Variants in MECOM observed in about 807,000 individuals in gnomAD.
MECOM encodes MDS1 and EVI1 complex locus, also known as histone-lysine N-methyltransferase MECOM.
In MECOM, 13 loss-of-function variants were observed where a neutral mutation model predicts 116.3. That is an observed-to-expected ratio of 0.11 (90% CI 0.07 to 0.18). MECOM has a LOEUF of 0.18. Among genes scored for constraint, MECOM ranks in the 10% least tolerant of loss-of-function variants. The pLI is 1.00. For missense variants in MECOM, 1,299 were observed against 1,509.0 expected (o/e 0.86, Z 2.31); for synonymous variants, 528 against 535.2 (o/e 0.99, Z 0.19).
At chr3:169,477,965 A>C (rs972610946) in intron 1 of MECOM, among the ~76,000 whole-genome samples, 4 of 152,254 alleles carry the variant, frequency 2.6e-5, no homozygotes, top group Non-Finnish European at 5.9e-5. Context: ...AGACAATTAA[A>C]GTGGCCCAGG....
At chr3:169,584,544 G>A (rs545391139) in intron 1 of MECOM, among the ~76,000 whole-genome samples, 4 of 134,816 alleles carry the variant, frequency 3.0e-5, no homozygotes, top group Admixed American at 1.6e-4. Flanking sequence ...CAGCCTGGGC[G>A]AAAGAGCGAA....
intron 1 of MECOM, among the ~76,000 whole-genome samples, chr3:169,616,017 CCCAG>C (rs1769949447): frequency 6.6e-6 from 1 of 152,180 alleles, no homozygotes; most frequent in South Asian, 2.1e-4. Flanking sequence ...TCGAGAATGG[CCCAG>C]CCAGCCAGCC....
intron 1 of MECOM, among the ~76,000 whole-genome samples, chr3:169,490,930 C>T (rs1204299150): frequency 6.6e-6 from 1 of 151,900 alleles, no homozygotes; most frequent in African/African-American, 2.4e-5. Context: ...CCTTATGTTG[C>T]CCAGGATGGT....
intron 1 of MECOM, among the ~76,000 whole-genome samples, chr3:169,457,397 G>A (rs992863720): frequency 6.6e-6 from 1 of 152,148 alleles, no homozygotes. Flanking sequence ...AGCTCCAGGA[G>A]TGCAGATAAA....
chr3:169,579,757 G>A (rs779967872), intron 1 of MECOM, among the ~76,000 whole-genome samples: 1 of 152,148 alleles, frequency 6.6e-6, no homozygotes, highest in Non-Finnish European at 1.5e-5. Context: ...GACTGAACAT[G>A]ATATTCTACC....
At chr3:169,507,650 C>CTTTTTTTTGTTTTTTTTTTTTT (rs1755407763) in intron 1 of MECOM, among the ~76,000 whole-genome samples, 1 of 57,150 alleles carries the variant, frequency 1.7e-5, no homozygotes, top group Non-Finnish European at 3.1e-5. Flanking sequence ...TCCCCACTTG[C>CTTTTTTTTGTTTTTTTTTTTTT]TTTTTTTTTT....
chr3:169,371,035 T>G (rs145009928), intron 2 of MECOM, among the ~76,000 whole-genome samples: 1,762 of 152,116 alleles, frequency 0.012, 17 homozygotes, highest in Non-Finnish European at 0.016. Context: ...GTAAATAAAA[T>G]CGCCATCTCA....
chr3:169,378,489 GAAAGAA>G (rs1388081581), intron 2 of MECOM, among the ~76,000 whole-genome samples: 2 of 30,264 alleles, frequency 6.6e-5, no homozygotes, highest in Non-Finnish European at 1.0e-4. Flanking sequence ...AAGAGAGAGA[GAAAGAA>G]AGAAAGAAAG....
chr3:169,243,731 A>C (rs528816962), intron 2 of MECOM, among the ~76,000 whole-genome samples: 2 of 152,330 alleles, frequency 1.3e-5, no homozygotes, highest in Non-Finnish European at 2.9e-5. Context: ...AAGAATGGGC[A>C]GAGGGAGAAC....
In MECOM at chr3:169,449,097, C is replaced by A. The variant is rs75890521; in HGVS notation, c.38-67573G>T. Among the ~76,000 whole-genome samples the A allele has an allele frequency of 1.2e-3, 176 of 152,244 alleles. 4 individuals are homozygous for A. Among genetic ancestry groups the A allele is most frequent in the East Asian group, 8.5e-3 (44 of 5,178 alleles). ...CAAATGAAGCTCAATCACGAAAGGT[C>A]TTTTCTTTCTTTAAGGTGAGAGATG... On this transcript the variant is annotated intron_variant, in intron 1 of 16. Coordinates refer to ENST00000651503, the MANE Select transcript of MECOM (RefSeq NM_004991.4).
At chr3:169,315,762 C>T (rs1212593823) in intron 2 of MECOM, among the ~76,000 whole-genome samples, 1 of 152,120 alleles carries the variant, frequency 6.6e-6, no homozygotes, top group Non-Finnish European at 1.5e-5. Context: ...AATCAAATAT[C>T]ATCTAGCGAT....
chr3:169,353,556 T>C (rs1328690363), intron 2 of MECOM, among the ~76,000 whole-genome samples: 3 of 151,754 alleles, frequency 2.0e-5, no homozygotes, highest in Non-Finnish European at 2.9e-5. Context: ...AAATAAGTAA[T>C]GTAAATAGCT....
At chr3:169,659,602 G>C (rs942582669) in intron 1 of MECOM, among the ~76,000 whole-genome samples, 26 of 152,078 alleles carry the variant, frequency 1.7e-4, no homozygotes, top group African/African-American at 6.0e-4. Flanking sequence ...CTCGGCCTCC[G>C]TTGGGAGAAG....
intron 1 of MECOM, among the ~76,000 whole-genome samples, chr3:169,462,561 C>T (rs1039524278): frequency 1.3e-5 from 2 of 152,114 alleles, no homozygotes; most frequent in African/African-American, 2.4e-5. Flanking sequence ...TGTTAGCACT[C>T]AAATCAGTTA....
At chr3:169,429,022 G>A (rs1391575403) in intron 1 of MECOM, among the ~76,000 whole-genome samples, 1 of 152,174 alleles carries the variant, frequency 6.6e-6, no homozygotes, top group Non-Finnish European at 1.5e-5. Context: ...TAACCAAAGA[G>A]CCACAGGAAC....
intron 10 of MECOM, among the ~76,000 whole-genome samples, chr3:169,102,449 A>T (rs1189127791): frequency 2.0e-5 from 3 of 152,228 alleles, no homozygotes; most frequent in African/African-American, 7.2e-5. Flanking sequence ...AACTTTTTCC[A>T]TAAGACCTTG....
intron 1 of MECOM, among the ~76,000 whole-genome samples, chr3:169,497,878 A>AGTTTT (rs1201202749): frequency 2.0e-5 from 3 of 152,218 alleles, no homozygotes; most frequent in Non-Finnish European, 2.9e-5. Flanking sequence ...ACAAAAGAAG[A>AGTTTT]GTTTTGTTTT....
Position 169,472,743 on chromosome 3 carries a change from GAA to G in MECOM, c.38-91221_38-91220del, listed in dbSNP as rs1749759257. ...AGGGAGGGGGAAGGAAGGAAGGAAG[GAA>G]GGAAGAAGAGAGGGAGGGAAAGAAA... On this transcript the variant is annotated intron_variant, in intron 1 of 16. Coordinates refer to ENST00000651503, the MANE Select transcript of MECOM (RefSeq NM_004991.4). Among the ~76,000 whole-genome samples the G allele has an allele frequency of 2.7e-5, 4 of 148,630 alleles. No homozygotes were observed. In the East Asian group the frequency reaches 6.2e-4, roughly 23 times the overall value.
intron 1 of MECOM, among the ~76,000 whole-genome samples, chr3:169,481,685 T>TGG (rs1434769984): frequency 1.4e-5 from 2 of 146,548 alleles, no homozygotes; most frequent in East Asian, 3.9e-4. Context: ...TGTGTGTGTG[T>TGG]GTCCTCAACA....
Sources: allele counts gnomAD v4.1 joint callset (sites outside exome capture counted in the v4.1 genomes callset), GRCh38; gene constraint gnomAD v4.1.1; transcripts MANE v1.5; gene names NCBI Gene and HGNC (gene_info 2026-07-23, HGNC 2026-07-21).